The following LRRTM4 variants were observed in gnomAD, a reference collection of about 807,000 sequenced individuals.
LRRTM4 encodes leucine rich repeat transmembrane neuronal 4.
A neutral mutation model predicts 47.6 loss-of-function variants in LRRTM4; 25 were observed. That is an observed-to-expected ratio of 0.53 (90% CI 0.38 to 0.73). The LOEUF is 0.73. Among genes scored for constraint, LRRTM4 ranks in the 30% least tolerant of loss-of-function variants. LRRTM4 has a pLI of 0.00. For missense variants in LRRTM4, 638 were observed against 713.4 expected, an observed-to-expected ratio of 0.89 and a Z score of 1.20; for synonymous variants, 311 against 269.5, an observed-to-expected ratio of 1.15 and a Z score of -1.51.
At chr2:77,516,577 A>C in intron 3 of LRRTM4, 1 of 975,956 alleles carries the variant, frequency 1.0e-6, no homozygotes, top group Non-Finnish European at 1.2e-6. Context: ...GAGAACCCAG[A>C]ATAAAATAGG....
intron 3 of LRRTM4, among the ~76,000 whole-genome samples, chr2:77,331,751 A>G (rs1464124914): frequency 6.6e-6 from 1 of 152,100 alleles, no homozygotes; most frequent in Admixed American, 6.6e-5. Flanking sequence ...GCATCTCATG[A>G]TTACTTCTAT....
chr2:77,188,200 A>G (rs939252895), intron 3 of LRRTM4, among the ~76,000 whole-genome samples: 2 of 152,276 alleles, frequency 1.3e-5, no homozygotes, highest in South Asian at 2.1e-4. Context: ...CATGTGGTCT[A>G]AGGCTCATTC....
intron 3 of LRRTM4, among the ~76,000 whole-genome samples, chr2:77,462,960 A>G (rs559571549): frequency 4.2e-4 from 64 of 151,842 alleles, no homozygotes; most frequent in African/African-American, 1.5e-3. Flanking sequence ...ATGACTAAAG[A>G]GCCAGGGAGA....
chr2:76,777,323 G>A (rs1446712099), intron 3 of LRRTM4, among the ~76,000 whole-genome samples: 5 of 142,496 alleles, frequency 3.5e-5, no homozygotes, highest in Admixed American at 2.1e-4. Flanking sequence ...GATGGGGATG[G>A]CATTGAATCT....
intron 3 of LRRTM4, among the ~76,000 whole-genome samples, chr2:77,318,379 T>A (rs1339269248): frequency 6.6e-6 from 1 of 152,170 alleles, no homozygotes; most frequent in African/African-American, 2.4e-5. Flanking sequence ...TTTTTTAAAT[T>A]GTTAGATCTG....
intron 3 of LRRTM4, among the ~76,000 whole-genome samples, chr2:77,481,322 T>C (rs1052494266): frequency 6.6e-6 from 1 of 152,150 alleles, no homozygotes; most frequent in Non-Finnish European, 1.5e-5. Flanking sequence ...ATCTAGAACA[T>C]GGTAGACCTG....
At chr2:77,335,866 T>G (rs890595891) in intron 3 of LRRTM4, among the ~76,000 whole-genome samples, 2 of 152,030 alleles carry the variant, frequency 1.3e-5, no homozygotes, top group African/African-American at 4.8e-5. Flanking sequence ...TCAGAAGAGG[T>G]AGATAGCAAA....
intron 3 of LRRTM4, among the ~76,000 whole-genome samples, chr2:77,094,230 G>A (rs1050604383): frequency 2.6e-5 from 4 of 152,050 alleles, no homozygotes; most frequent in Non-Finnish European, 5.9e-5. Context: ...TAAGCAAGGA[G>A]CTGAAAGAGC....
chr2:77,214,420 A>G (rs1196114496), intron 3 of LRRTM4, among the ~76,000 whole-genome samples: 3 of 152,156 alleles, frequency 2.0e-5, no homozygotes, highest in African/African-American at 4.8e-5. Flanking sequence ...AGATGCACAG[A>G]AGGTTCACAG....
rs147271854 is a variant in LRRTM4 at position 77,123,888 on chromosome 2, T to C, written c.1552-374972A>G. Among the ~76,000 whole-genome samples the C allele has an allele frequency of 6.0e-3, 911 of 152,096 alleles. 6 individuals are homozygous for C. The highest frequency in any genetic ancestry group is 9.9e-3 in the Non-Finnish European group (676 of 67,952). Reference sequence around the variant, plus strand: ...ATTCCTAGCTCATCTTCCTGGGACGTTGGGAGGATATAAGAAAATATCACA... The same window carrying C: ...ATTCCTAGCTCATCTTCCTGGGACGCTGGGAGGATATAAGAAAATATCACA... On this transcript the variant is annotated intron_variant, in intron 3 of 3. Transcript: ENST00000409884.
intron 3 of LRRTM4, among the ~76,000 whole-genome samples, chr2:77,381,165 G>A (rs1458610131): frequency 6.6e-6 from 1 of 151,900 alleles, no homozygotes; most frequent in Non-Finnish European, 1.5e-5. Context: ...TTTTGGAACT[G>A]AAGCACAATA....
rs188824356 is a variant in LRRTM4, at chr2:76,785,035, T to C, written c.1552-36119A>G. On this transcript the variant is annotated intron_variant, in intron 3 of 3. Transcript: ENST00000409884. ...GAAAACTTTCTATAGTTGTCACTCTTATAATATGACTGTATGAACATTGAA... is the reference window on the plus strand; with the variant it reads ...GAAAACTTTCTATAGTTGTCACTCTCATAATATGACTGTATGAACATTGAA... Among the ~76,000 whole-genome samples the C allele has an allele frequency of 1.4e-3, 206 of 152,200 alleles. 3 individuals carry two copies. The South Asian group carries it at 0.017, about 13-fold the overall frequency.
At position 76,803,197 on chromosome 2, in the gene LRRTM4, T is replaced by C. The variant is rs550526655; in HGVS notation, c.1552-54281A>G. 5.3e-5 allele frequency among the ~76,000 whole-genome samples: 8 copies of C among 152,262 alleles called. 1 individual carries two copies. The highest frequency in any genetic ancestry group is 7.2e-5 in the African/African-American group (3 of 41,576). On this transcript the variant is annotated intron_variant, in intron 3 of 3. Transcript: ENST00000409884. ...GATAAAAGTATTTGCAAACCACTTA[T>C]ATCATCAAGGGTTAATATCCAAAAT...
At chr2:77,450,262 G>C (rs988003830) in intron 3 of LRRTM4, among the ~76,000 whole-genome samples, 1 of 145,274 alleles carries the variant, frequency 6.9e-6, no homozygotes, top group Non-Finnish European at 1.5e-5. Context: ...TTCTCTCTCC[G>C]TCTCTCTCTC....
intron 3 of LRRTM4, among the ~76,000 whole-genome samples, chr2:76,912,523 T>C (rs1345653254): frequency 6.6e-6 from 1 of 152,174 alleles, no homozygotes; most frequent in Non-Finnish European, 1.5e-5. Context: ...AATGTCGAAT[T>C]CCAAGATTAT....
chr2:77,048,448 GCTT>G (rs766964507), intron 3 of LRRTM4, among the ~76,000 whole-genome samples: 2 of 152,098 alleles, frequency 1.3e-5, no homozygotes, highest in Non-Finnish European at 2.9e-5. Context: ...TTGTGTTACA[GCTT>G]CTTAATATAA....
chr2:76,973,720 A>G (rs1223271007), intron 3 of LRRTM4, among the ~76,000 whole-genome samples: 1 of 151,992 alleles, frequency 6.6e-6, no homozygotes, highest in East Asian at 1.9e-4. Context: ...AGATGGATGA[A>G]TAGGCTTAAT....
chr2:77,026,050 G>T (rs1035117192), intron 3 of LRRTM4, among the ~76,000 whole-genome samples: 1 of 152,114 alleles, frequency 6.6e-6, no homozygotes, highest in Non-Finnish European at 1.5e-5. Context: ...ATAAAGTCAC[G>T]CATTATAAAC....
At chr2:76,848,604 T>C (rs1671902257) in intron 3 of LRRTM4, among the ~76,000 whole-genome samples, 1 of 152,074 alleles carries the variant, frequency 6.6e-6, no homozygotes, top group Non-Finnish European at 1.5e-5. Context: ...AAATCTCCAG[T>C]TCATTATTAT....
Sources: gnomAD v4.1 joint callset for allele counts (sites outside exome capture counted in the v4.1 genomes callset) on GRCh38, gnomAD v4.1.1 for gene constraint, MANE v1.5 for transcripts, NCBI Gene and HGNC (gene_info 2026-07-23, HGNC 2026-07-21) for gene names.